DLG2: variants seen among roughly 807,000 people sequenced by gnomAD.
DLG2 encodes discs large MAGUK scaffold protein 2, also known as disks large homolog 2.
In DLG2, 45 loss-of-function variants were observed where a neutral mutation model predicts 132.5. The ratio of observed to expected loss-of-function variants is 0.34; its 90% CI spans 0.27 to 0.44. DLG2 has a LOEUF of 0.44. Among genes scored for constraint, DLG2 ranks in the 20% least tolerant of loss-of-function variants. The pLI, the probability that DLG2 is intolerant of heterozygous loss-of-function variation, is 1.00. For synonymous variants in DLG2, 424 were observed against 419.6 expected, an observed-to-expected ratio of 1.01 and a Z score of -0.13; for missense variants, 1,045 against 1,196.9, an observed-to-expected ratio of 0.87 and a Z score of 1.87.
intron 18 of DLG2, among the ~76,000 whole-genome samples, chr11:83,685,261 G>A (rs1396963031): frequency 1.3e-5 from 2 of 152,120 alleles, no homozygotes; most frequent in East Asian, 3.9e-4. Context: ...AGCACTTGCG[G>A]CAACAGGTAA....
At chr11:85,096,005 C>T (rs940747562) in intron 6 of DLG2, among the ~76,000 whole-genome samples, 3 of 152,156 alleles carry the variant, frequency 2.0e-5, no homozygotes, top group Admixed American at 6.5e-5. Context: ...CCAATCAGCA[C>T]TCTGTAAAAT....
At chr11:85,588,131 C>A (rs1046103512) in intron 3 of DLG2, among the ~76,000 whole-genome samples, 1 of 152,148 alleles carries the variant, frequency 6.6e-6, no homozygotes, top group African/African-American at 2.4e-5. Flanking sequence ...TCTTGAGATT[C>A]TTTCCTTTGT....
chr11:83,483,811 A>C (rs1168250870), intron 22 of DLG2, among the ~76,000 whole-genome samples: 1 of 152,186 alleles, frequency 6.6e-6, no homozygotes, highest in Non-Finnish European at 1.5e-5. Flanking sequence ...CTTCTCAGAA[A>C]ATAATTTGTC....
At chr11:84,934,546 T>TG (rs1591515615) in intron 6 of DLG2, among the ~76,000 whole-genome samples, 51 of 128,700 alleles carry the variant, frequency 4.0e-4, no homozygotes, top group East Asian at 8.0e-4. Context: ...TTTTTTTTTT[T>TG]GGTGGGTAGG....
intron 6 of DLG2, among the ~76,000 whole-genome samples, chr11:84,853,415 G>A (rs1334269705): frequency 6.6e-6 from 1 of 152,026 alleles, no homozygotes; most frequent in African/African-American, 2.4e-5. Flanking sequence ...AGACTTGTAA[G>A]AGAGGCATCT....
intron 8 of DLG2, among the ~76,000 whole-genome samples, chr11:84,219,937 C>A (rs2096890963): frequency 6.6e-6 from 1 of 151,796 alleles, no homozygotes; most frequent in Non-Finnish European, 1.5e-5. Context: ...CTTTAAAAAA[C>A]AATTATGGGG....
chr11:84,004,067 A>G (rs2094470141), intron 11 of DLG2, among the ~76,000 whole-genome samples: 1 of 152,052 alleles, frequency 6.6e-6, no homozygotes, highest in Non-Finnish European at 1.5e-5. Flanking sequence ...TTGAAGAGAA[A>G]GAAATTCTCC....
chr11:84,933,237 T>C (rs1215321117), intron 6 of DLG2, among the ~76,000 whole-genome samples: 3 of 152,202 alleles, frequency 2.0e-5, no homozygotes, highest in African/African-American at 4.8e-5. Flanking sequence ...ATGTCTGTTT[T>C]GTACCAGTAC....
chr11:85,519,230 T>C (rs554150521), intron 3 of DLG2, among the ~76,000 whole-genome samples: 1 of 152,290 alleles, frequency 6.6e-6, no homozygotes, highest in African/African-American at 2.4e-5. Context: ...GCCTGCACCA[T>C]GCACCTGGAA....
At chr11:83,860,885 C>T (rs1040265712) in intron 16 of DLG2, among the ~76,000 whole-genome samples, 7 of 152,136 alleles carry the variant, frequency 4.6e-5, no homozygotes, top group Non-Finnish European at 1.0e-4. Flanking sequence ...CTCATGAGAT[C>T]TGATGGTTTT....
At chr11:83,709,330 T>C (rs1050851599) in intron 18 of DLG2, among the ~76,000 whole-genome samples, 3 of 148,014 alleles carry the variant, frequency 2.0e-5, no homozygotes, top group Admixed American at 6.8e-5. Flanking sequence ...GTTATATATA[T>C]TATATATACA....
chr11:85,025,302 G>A (rs969352043), intron 6 of DLG2, among the ~76,000 whole-genome samples: 7 of 152,222 alleles, frequency 4.6e-5, no homozygotes, highest in Admixed American at 6.5e-5. Context: ...TTCAGAATGC[G>A]CAATACTGTT....
chr11:83,563,334 A>G (rs879345736), intron 19 of DLG2, among the ~76,000 whole-genome samples: 11 of 152,228 alleles, frequency 7.2e-5, no homozygotes, highest in Admixed American at 6.5e-4. Context: ...ACGTTCTTTG[A>G]TCATCCCCTT....
intron 7 of DLG2, among the ~76,000 whole-genome samples, chr11:84,452,186 G>C (rs1049134186): frequency 2.0e-5 from 3 of 151,432 alleles, no homozygotes; most frequent in Admixed American, 6.6e-5. Flanking sequence ...AGGAAGAGGA[G>C]GAGGAGGACG....
chr11:84,149,602 C>T (rs1249578733), intron 9 of DLG2, among the ~76,000 whole-genome samples: 5 of 152,118 alleles, frequency 3.3e-5, no homozygotes, highest in Non-Finnish European at 7.4e-5. Flanking sequence ...CAGTACCATG[C>T]TATTTGGTTT....
chr11:84,726,068 T>C (rs1399689928), intron 6 of DLG2, among the ~76,000 whole-genome samples: 1 of 152,108 alleles, frequency 6.6e-6, no homozygotes, highest in Non-Finnish European at 1.5e-5. Context: ...TGGACTCTAA[T>C]ATGCATCATG....
chr11:85,002,739 A>C (rs1377213175), intron 6 of DLG2, among the ~76,000 whole-genome samples: 1 of 151,924 alleles, frequency 6.6e-6, no homozygotes, highest in Non-Finnish European at 1.5e-5. Context: ...GTTTTAATAA[A>C]AGTTACACTG....
intron 8 of DLG2, among the ~76,000 whole-genome samples, chr11:84,180,596 C>T (rs1199255496): frequency 6.6e-6 from 1 of 152,082 alleles, no homozygotes; most frequent in African/African-American, 2.4e-5. Flanking sequence ...AATCCTCCTA[C>T]TCCCAATAAC....
At chr11:85,534,379 G>A (rs1222790316) in intron 3 of DLG2, among the ~76,000 whole-genome samples, 2 of 151,896 alleles carry the variant, frequency 1.3e-5, no homozygotes, top group Admixed American at 1.3e-4. Flanking sequence ...GGGTACTTAT[G>A]CAGGTTTGTC....
Sources: gnomAD v4.1 joint callset for allele counts (sites outside exome capture counted in the v4.1 genomes callset) on GRCh38, gnomAD v4.1.1 for gene constraint, MANE v1.5 for transcripts, NCBI Gene and HGNC (gene_info 2026-07-23, HGNC 2026-07-21) for gene names.